Variants in DEFB109B observed in about 807,000 individuals in gnomAD.
The protein encoded by DEFB109B is beta-defensin 109B.
At chr8:7,315,369 C>G (rs1802839849) in intron 1 of DEFB109B, among the ~76,000 whole-genome samples, 2 of 137,808 alleles carry the variant, frequency 1.5e-5, no homozygotes, top group Non-Finnish European at 3.0e-5. Context: ...TGCGGTGGTA[C>G]ATGCCTTTAG....
chr8:7,315,870 G>A (rs1164902267), intron 1 of DEFB109B, among the ~76,000 whole-genome samples: 1 of 135,970 alleles, frequency 7.4e-6, no homozygotes, highest in South Asian at 2.3e-4. Context: ...TTATTCTTTT[G>A]TCAGGGCAAG....
intron 1 of DEFB109B, among the ~76,000 whole-genome samples, chr8:7,316,122 A>T (rs973097252): frequency 2.4e-4 from 2 of 8,376 alleles, no homozygotes; most frequent in East Asian, 5.0e-3. Context: ...TCAATTTTGT[A>T]TTGTTATTTT....
upstream of DEFB109B, among the ~76,000 whole-genome samples, chr8:7,312,576 AAAT>A (rs1418351266): frequency 5.2e-4 from 75 of 144,060 alleles, no homozygotes; most frequent in Non-Finnish European, 5.9e-5. Flanking sequence ...TGCATGTCAA[AAAT>A]AATAAAGAAA....
chr8:7,319,618 A>G (rs1377384504), intron 1 of DEFB109B, 128 bp from the exon 2 acceptor site: 1 of 142,612 alleles, frequency 7.0e-6, no homozygotes, highest in Admixed American at 6.8e-5. Context: ...CTGACATATG[A>G]GCAGCAACCA....
In DEFB109B at chr8:7,315,397, G is replaced by A. The variant is rs554584330; in HGVS notation, n.58+2494G>A. ...GCCTTTAGTCCCAGCTACTCGGGAG[G>A]CTGAGGCAGGACAATCACTTGAACC... is the stretch of plus-strand genomic sequence containing the variant. On this transcript the variant is annotated intron_variant and non_coding_transcript_variant, in intron 1 of 1. Coordinates refer to ENST00000382656, the Ensembl canonical transcript of DEFB109B. Among the ~76,000 whole-genome samples the A allele has an allele frequency of 1.7e-3, 237 of 137,840 alleles. 14 individuals are homozygous for A. The highest frequency in any genetic ancestry group is 8.2e-3 in the African/African-American group (231 of 28,240). 90.4% of individuals were successfully genotyped at this position (137,840 alleles called of 152,430 possible). A position where few individuals can be genotyped will look rare whatever the true frequency, so the allele number is the denominator to read the frequency against.
At chr8:7,312,247 A>G (rs1802649866), upstream of DEFB109B, among the ~76,000 whole-genome samples, 1 of 137,090 alleles carries the variant, frequency 7.3e-6, no homozygotes, top group South Asian at 2.1e-4. Context: ...AAATGAATCA[A>G]TTACAGAGAT....
At chr8:7,318,610 T>C (rs1803090710) in intron 1 of DEFB109B, 1 of 130,446 alleles carries the variant, frequency 7.7e-6, no homozygotes, top group Non-Finnish European at 1.5e-5. Context: ...AATTACTTAA[T>C]GTATAATAAA....
upstream of DEFB109B, among the ~76,000 whole-genome samples, chr8:7,312,265 A>G (rs1802650945): frequency 7.2e-6 from 1 of 138,378 alleles, no homozygotes; most frequent in African/African-American, 3.4e-5. Context: ...GATAGGCTCC[A>G]AACCATAGTA....
intron 1 of DEFB109B, chr8:7,319,261 G>GAA (rs1803156440): frequency 8.5e-6 from 1 of 117,956 alleles, no homozygotes; most frequent in African/African-American, 4.6e-5. Context: ...GAGAGAGAGA[G>GAA]AGAGAGAGTG....
intron 1 of DEFB109B, chr8:7,318,788 T>G (rs1803105723): frequency 6.9e-6 from 1 of 145,240 alleles, no homozygotes. Context: ...GAGATCTTCA[T>G]TAAATTATCT....
chr8:7,312,057 T>C (rs1428466922), upstream of DEFB109B, among the ~76,000 whole-genome samples: 4 of 120,812 alleles, frequency 3.3e-5, 1 homozygote, highest in Non-Finnish European at 6.1e-5. Flanking sequence ...TAATCCAAAA[T>C]AGGTAATTGT....
intron 1 of DEFB109B, among the ~76,000 whole-genome samples, chr8:7,316,814 T>TATACA (rs1482476135): frequency 2.3e-5 from 2 of 86,640 alleles, no homozygotes; most frequent in African/African-American, 1.3e-4. Context: ...TATATATACA[T>TATACA]TTTTTTTTAG....
upstream of DEFB109B, among the ~76,000 whole-genome samples, chr8:7,310,209 G>C (rs1802538046): frequency 1.9e-4 from 1 of 5,338 alleles, no homozygotes; most frequent in Admixed American, 1.7e-3. Context: ...TTTTTGTTAA[G>C]CGCCCACTGT....
At position 7,313,582 on chromosome 8, in the gene DEFB109B, C is replaced by A. The variant is rs933804373; in HGVS notation, n.58+679C>A. Among the ~76,000 whole-genome samples the A allele has an allele frequency of 1.4e-5, 2 of 144,216 alleles. 1 individual carries two copies. The highest frequency in any genetic ancestry group is 5.8e-5 in the African/African-American group (2 of 34,288). 94.6% of individuals were successfully genotyped at this position (144,216 alleles called of 152,430 possible). On this transcript the variant is annotated intron_variant and non_coding_transcript_variant, in intron 1 of 1. Transcript: ENST00000382656. ...AATTAATAAGGAGCAAAGACACCAA[C>A]AAGTGCTGCTCAAGGTATATTACAG...
intron 1 of DEFB109B, among the ~76,000 whole-genome samples, chr8:7,316,635 TG>T (rs71217268): frequency 0.031 from 4,220 of 136,886 alleles, 171 homozygotes; most frequent in Middle Eastern, 0.088. Context: ...TGTTTTGTTT[TG>T]TTTTTTTGGA....
intron 1 of DEFB109B, among the ~76,000 whole-genome samples, chr8:7,317,241 C>T (rs1367828791): frequency 7.0e-6 from 1 of 143,080 alleles, no homozygotes; most frequent in Non-Finnish European, 1.5e-5. Context: ...GTGAAACTGA[C>T]TCAATCCTTT....
chr8:7,316,904 G>A (rs1251246531), intron 1 of DEFB109B, among the ~76,000 whole-genome samples: 3 of 127,198 alleles, frequency 2.4e-5, no homozygotes, highest in Non-Finnish European at 4.6e-5. Context: ...GCCTCCCAAA[G>A]TGCTGCAATT....
chr8:7,312,322 G>T (rs1446145322), upstream of DEFB109B, among the ~76,000 whole-genome samples: 1 of 139,046 alleles, frequency 7.2e-6, no homozygotes, highest in Non-Finnish European at 1.5e-5. Context: ...TTTGTTAAGA[G>T]GGTCGATCTT....
upstream of DEFB109B, among the ~76,000 whole-genome samples, chr8:7,312,524 C>T (rs1035555060): frequency 6.8e-6 from 1 of 146,098 alleles, no homozygotes; most frequent in Non-Finnish European, 1.5e-5. Flanking sequence ...TATTGCCTGG[C>T]AAACAATAGA....
Sources: allele counts gnomAD v4.1 joint callset (sites outside exome capture counted in the v4.1 genomes callset), GRCh38; gene constraint gnomAD v4.1.1; transcripts MANE v1.5; gene names NCBI Gene and HGNC (gene_info 2026-07-23, HGNC 2026-07-21).